Variants in KIRREL1 observed in about 807,000 individuals in gnomAD.
KIRREL1 encodes the protein kin of IRRE-like protein 1.
KIRREL1 carries 25 observed loss-of-function variants against 83.3 expected under a neutral mutation model. That is an observed-to-expected ratio of 0.30 (90% CI 0.22 to 0.42). The LOEUF (loss-of-function observed/expected upper bound fraction) is 0.42, where lower values mean the gene tolerates loss of function less well. Ranked by LOEUF, KIRREL1 falls within the 10% of genes least tolerant of loss-of-function variation. The probability of loss-of-function intolerance (pLI) is 1.00; values close to 1 mark genes in which losing one functional copy is unlikely to be tolerated. For missense variants in KIRREL1, 812 were observed against 1,032.3 expected (o/e 0.79, Z 2.92); for synonymous variants, 388 against 410.4 (o/e 0.95, Z 0.66).
chr1:158,082,793 C>A (rs11264906), intron 3 of KIRREL1, among the ~76,000 whole-genome samples: 59,061 of 151,844 alleles, frequency 0.39, 12,715 homozygotes, highest in East Asian at 0.74. Flanking sequence ...CATAGCGAAA[C>A]CTCGTCTCTA....
intron 1 of KIRREL1, among the ~76,000 whole-genome samples, chr1:158,072,547 G>A (rs1461893277): frequency 1.3e-5 from 2 of 152,026 alleles, no homozygotes; most frequent in Non-Finnish European, 2.9e-5. Flanking sequence ...CGAAAGTCAC[G>A]GGAGACTTCC....
chr1:158,035,638 A>C (rs1006674665), intron 1 of KIRREL1, among the ~76,000 whole-genome samples: 1 of 152,198 alleles, frequency 6.6e-6, no homozygotes, highest in Non-Finnish European at 1.5e-5. Context: ...AGGCTCAGAG[A>C]AGTGAAGGTG....
chr1:158,076,354 T>G, intron 2 of KIRREL1, 92 bp downstream of exon 2: 5 of 1,145,194 alleles, frequency 4.4e-6, no homozygotes, highest in Middle Eastern at 2.0e-4. Context: ...CATCCCTTAG[T>G]TCCCTCACCA....
chr1:158,089,523 C>T lies in KIRREL1; in HGVS notation c.1066C>T (p.Leu356=). The T allele has an allele frequency of 6.2e-7, 1 of 1,614,216 alleles. No individual in the cohort carries two copies. Among genetic ancestry groups the T allele is most frequent in the Non-Finnish European group, 8.5e-7 (1 of 1,180,042 alleles). Reference sequence around the variant, plus strand: ...CCAGGTCCTGAGTAACAGCAACCAGCTGCTGCTGAAGTCGGTGACTCAGGC... The same window carrying T: ...CCAGGTCCTGAGTAACAGCAACCAGTTGCTGCTGAAGTCGGTGACTCAGGC... ...SNMVLSNSNQ[L]LLKSVTQADA... is the part of the protein sequence containing the mutation. Residue 356 remains leucine, a synonymous_variant, in exon 9 of 15, where the codon CTG becomes TTG. Transcript: ENST00000359209.
chr1:158,070,735 C>T (rs960810806), intron 1 of KIRREL1, among the ~76,000 whole-genome samples: 5 of 152,070 alleles, frequency 3.3e-5, no homozygotes, highest in South Asian at 2.1e-4. Context: ...CCTGAAAGGA[C>T]GGATGTCTGA....
intron 1 of KIRREL1, among the ~76,000 whole-genome samples, chr1:158,043,763 G>A (rs1039090140): frequency 8.5e-5 from 13 of 152,272 alleles, no homozygotes; most frequent in Admixed American, 8.5e-4. Context: ...GAGACACTGG[G>A]GGTGGGGGTG....
At chr1:158,079,263 G>T (rs970618957) in intron 3 of KIRREL1, among the ~76,000 whole-genome samples, 1 of 152,226 alleles carries the variant, frequency 6.6e-6, no homozygotes, top group Admixed American at 6.5e-5. Context: ...GGAGAGAGGA[G>T]CTGAGATGAG....
intron 8 of KIRREL1, 179 bp from the exon 9 acceptor site, chr1:158,089,323 G>A (rs1662118449): frequency 2.1e-5 from 18 of 844,426 alleles, no homozygotes; most frequent in Non-Finnish European, 2.2e-5. Context: ...GTGTGTTTAC[G>A]TGCCAACCTG....
chr1:158,001,058 T>C (rs1016257846), intron 1 of KIRREL1, among the ~76,000 whole-genome samples: 1 of 152,200 alleles, frequency 6.6e-6, no homozygotes, highest in Non-Finnish European at 1.5e-5. Flanking sequence ...CCAGCAGGTT[T>C]ATCCCAGGAA....
Position 157,996,049 on chromosome 1 carries a change from G to A in KIRREL1, c.52+2321G>A, listed in dbSNP as rs114383146. On this transcript the variant is annotated intron_variant, in intron 1 of 14. Transcript: ENST00000359209. The stretch of plus-strand genomic sequence containing the variant: ...AGTGAGAGAGGAAACGGAGGGGGGC[G>A]CTACAAAAGGGAGGAGGAATGATGG... Among the ~76,000 whole-genome samples, 714 of 147,734 alleles carry A rather than the reference G, an allele frequency of 4.8e-3. 6 individuals are homozygous for A. The highest frequency in any genetic ancestry group is 0.017 in the African/African-American group (678 of 39,948).
At chr1:158,008,163 G>A (rs1250461126) in intron 1 of KIRREL1, among the ~76,000 whole-genome samples, 3 of 152,124 alleles carry the variant, frequency 2.0e-5, no homozygotes, top group African/African-American at 7.2e-5. Context: ...AGCGAGGGGG[G>A]TGGGGAGGAA....
chr1:158,013,896 G>T (rs1331413524), intron 1 of KIRREL1, among the ~76,000 whole-genome samples: 1 of 152,174 alleles, frequency 6.6e-6, no homozygotes, highest in Non-Finnish European at 1.5e-5. Flanking sequence ...GAAGGTGGTG[G>T]TCCCTGGAGG....
chr1:158,051,781 C>T (rs911773555), intron 1 of KIRREL1, among the ~76,000 whole-genome samples: 1 of 152,190 alleles, frequency 6.6e-6, no homozygotes, highest in Non-Finnish European at 1.5e-5. Flanking sequence ...GGCCACTTGC[C>T]ATTGACTTCT....
chr1:158,078,120 G>A lies in KIRREL1; in HGVS notation c.332G>A (p.Arg111Gln), dbSNP rs373857890. The A allele has an allele frequency of 1.3e-5, 21 of 1,613,864 alleles. No homozygotes were observed. In the South Asian group the frequency reaches 1.5e-4, roughly 12 times the overall value. Reference protein sequence around the residue: ...QATEAALRSRRAKLTVLIPPE... With the variant: ...QATEAALRSRQAKLTVLIPPE... ...ACGGAGGCCGCCCTGCGCTCTCGGC[G>A]GGCCAAACTCACCGTGCTCAGTAAG... Residue 111 changes from arginine to glutamine, a missense_variant, in exon 3 of 15, where the codon CGG (arginine) becomes CAG (glutamine). Transcript: ENST00000359209.
At chr1:158,016,515 CCAGCCACTGATTTTTT>C (rs1241653875) in intron 1 of KIRREL1, among the ~76,000 whole-genome samples, 3 of 152,036 alleles carry the variant, frequency 2.0e-5, no homozygotes, top group Admixed American at 6.6e-5. Flanking sequence ...CGAGTAACAC[CCAGCCACTGATTTTTT>C]TTTAATCTTT....
Position 158,094,069 on chromosome 1 carries a change from A to C in KIRREL1, c.1720-244A>C, listed in dbSNP as rs981677571. ...TGCTGAGATGAGGAAACAGCCCTGG[A>C]GAGGGGCAGTGACATATACAAGGTC... On this transcript the variant is annotated intron_variant, in intron 13 of 14. Transcript: ENST00000359209. This position sits in a 1 kb window ranked among gnomAD's most constrained non-coding sequence, Gnocchi z 4.6. 6.6e-6 allele frequency among the ~76,000 whole-genome samples: 1 copy of C among 152,210 alleles called. No homozygotes were observed. Among genetic ancestry groups the C allele is most frequent in the African/African-American group, 2.4e-5 (1 of 41,440 alleles).
At chr1:158,085,989 G>A (rs1250638022) in intron 4 of KIRREL1, among the ~76,000 whole-genome samples, 1 of 152,228 alleles carries the variant, frequency 6.6e-6, no homozygotes, top group Non-Finnish European at 1.5e-5. Context: ...CTGGGAGAGA[G>A]TTCTGAGGGC....
intron 1 of KIRREL1, among the ~76,000 whole-genome samples, chr1:158,032,001 T>C (rs1293383903): frequency 6.6e-6 from 1 of 152,028 alleles, no homozygotes; most frequent in African/African-American, 2.4e-5. Context: ...AAGGATTGCT[T>C]GAGCCTAGGT....
chr1:158,084,484 C>T lies in KIRREL1; in HGVS notation c.415C>T (p.His139Tyr), dbSNP rs769514849. Residue 139 changes from histidine (H) to tyrosine (Y), a missense_variant, in exon 4 of 15, where the codon CAC becomes TAC. Physicochemically the swap from His to Tyr is moderately conservative, Grantham distance 83. This residue lies in a region of KIRREL1 where 472 missense variants were observed against 626.8 expected (regional missense o/e 0.75). Coordinates refer to ENST00000359209, the MANE Select transcript of KIRREL1 (RefSeq NM_018240.7). ...PVILLQAGTP[H>Y]NLTCRAFNAK... ...GATTCTACTGCAGGCAGGCACCCCC[C>T]ACAACCTCACATGCCGGGCCTTCAA... 4.5e-6 allele frequency: 7 copies of T among 1,551,710 alleles called. No individual in the cohort carries two copies. Among genetic ancestry groups the T allele is most frequent in the Admixed American group, 2.0e-5 (1 of 50,994 alleles).
Sources: gnomAD v4.1 joint callset for allele counts (sites outside exome capture counted in the v4.1 genomes callset) on GRCh38, gnomAD v4.1.1 for gene constraint, gnomAD v4.1.1 regional missense constraint, Gnocchi (gnomAD v3.1) non-coding constraint, MANE v1.5 for transcripts, NCBI Gene and HGNC (gene_info 2026-07-23, HGNC 2026-07-21) for gene names.